ETS2: variants seen among roughly 807,000 people sequenced by gnomAD.
ETS2 encodes the protein ETS proto-oncogene 2, transcription factor, also known as protein C-ets-2.
A neutral mutation model predicts 54.9 loss-of-function variants in ETS2; 19 were observed. That is an observed-to-expected ratio of 0.35 (90% CI 0.24 to 0.51). The LOEUF (loss-of-function observed/expected upper bound fraction) is 0.51. ETS2 is among the 20% of genes least tolerant of loss of function. The pLI is 0.97. For missense variants in ETS2, 417 were observed against 593.0 expected, an observed-to-expected ratio of 0.70 and a Z score of 3.08; for synonymous variants, 219 against 229.3, an observed-to-expected ratio of 0.95 and a Z score of 0.41.
rs1181865672 is a variant in ETS2 at position 38,824,829 on chromosome 21, C to T, written c.*1940C>T. On this transcript the variant is annotated 3_prime_UTR_variant, in exon 10 of 10. Transcript: ENST00000360938. Reference sequence around the variant, plus strand: ...TACAAAGAAGGAGTTTCATGGGGTTCAGCCTAACAGTTATGGAAACTACAG... The same window carrying T: ...TACAAAGAAGGAGTTTCATGGGGTTTAGCCTAACAGTTATGGAAACTACAG... 1 of 152,588 alleles carries T rather than the reference C, an allele frequency of 6.6e-6. No individual in the cohort carries two copies. The highest frequency in any genetic ancestry group is 1.5e-5 in the Non-Finnish European group (1 of 68,040). 9.5% of individuals were successfully genotyped at this position (152,588 alleles called of 1,614,324 possible). A position where few individuals can be genotyped will look rare whatever the true frequency, so the allele number is the denominator to read the frequency against.
rs1333519045 is a variant in ETS2, at chr21:38,806,047, G to C, written c.-74G>C. On this transcript the variant is annotated 5_prime_UTR_variant, in exon 1 of 10. Coordinates refer to ENST00000360938, the MANE Select transcript of ETS2 (RefSeq NM_005239.6). This position sits in a 1 kb window ranked among gnomAD's most constrained non-coding sequence, Gnocchi z 4.3. ...TGGCCGGCGCCCTCGCCCTCGCCCGGCGCGCACCGAGCAGCCGCGGGCGCC... is the reference window on the plus strand; with the variant it reads ...TGGCCGGCGCCCTCGCCCTCGCCCGCCGCGCACCGAGCAGCCGCGGGCGCC... The C allele has an allele frequency of 8.3e-7, 1 of 1,208,716 alleles. No individual in the cohort carries two copies. Among genetic ancestry groups the C allele is most frequent in the Non-Finnish European group, 1.0e-6 (1 of 953,936 alleles). The allele number at this position is 1,208,716 out of a possible 1,614,324, so 74.9% of individuals were successfully genotyped here.
intron 2 of ETS2, among the ~76,000 whole-genome samples, chr21:38,811,061 T>G (rs1406982027): frequency 6.6e-6 from 1 of 152,042 alleles, no homozygotes; most frequent in Non-Finnish European, 1.5e-5. Flanking sequence ...CTTAGAAAAA[T>G]CCTTCTATTA....
rs992779415 is a variant in ETS2, at chr21:38,806,523, G to A, written c.-1+403G>A. On this transcript the variant is annotated intron_variant, in intron 1 of 9. Transcript: ENST00000360938. The surrounding 1 kb of genome is among the most constrained non-coding windows in gnomAD (Gnocchi z 4.3). The stretch of plus-strand genomic sequence containing the variant: ...ACATGATTTCGCGAACGGGAGTGGG[G>A]GCACAGGAGAGCGTGTCCGAGGTGG... The A allele has an allele frequency of 5.8e-5, 57 of 985,424 alleles. No homozygotes were observed. The highest frequency in any genetic ancestry group is 6.5e-5 in the Non-Finnish European group (54 of 830,030). The allele number at this position is 985,424 out of a possible 1,614,324, so 61.0% of individuals were successfully genotyped here. A position where few individuals can be genotyped will look rare whatever the true frequency, so the allele number is the denominator to read the frequency against.
intron 3 of ETS2, among the ~76,000 whole-genome samples, chr21:38,813,856 C>T (rs1435506487): frequency 1.3e-5 from 2 of 152,156 alleles, no homozygotes; most frequent in Non-Finnish European, 2.9e-5. Flanking sequence ...GTGCTAAGTG[C>T]GGCACATTCA....
rs371820145 is a variant in ETS2, at chr21:38,818,413, G to A, written c.590-12G>A. ...ACTTTAAGAGCTCTGCCGTCCGATT[G>A]TTCTGTTCCAGGTTTTGGCACAGAG... On this transcript the variant is annotated splice_polypyrimidine_tract_variant and intron_variant, in intron 6 of 9. Coordinates refer to ENST00000360938, the MANE Select transcript of ETS2 (RefSeq NM_005239.6). The A allele has an allele frequency of 4.3e-6, 7 of 1,613,916 alleles. No individual in the cohort carries two copies. In the South Asian group the frequency reaches 5.5e-5, roughly 13 times the overall value.
At chr21:38,815,789 T>C (rs1027084409) in intron 5 of ETS2, among the ~76,000 whole-genome samples, 5 of 149,884 alleles carry the variant, frequency 3.3e-5, no homozygotes, top group African/African-American at 1.2e-4. Flanking sequence ...AAAATAAAAA[T>C]ATTAGCTGGG....
At chr21:38,817,206 T>C in intron 6 of ETS2, 115 bp downstream of exon 6, 1 of 648,344 alleles carries the variant, frequency 1.5e-6, no homozygotes, top group Non-Finnish European at 2.7e-6. Flanking sequence ...TCTCTTATGG[T>C]GGCCACACGT....
At chr21:38,816,307 G>C (rs921865210) in intron 5 of ETS2, among the ~76,000 whole-genome samples, 1 of 151,956 alleles carries the variant, frequency 6.6e-6, no homozygotes, top group African/African-American at 2.4e-5. Context: ...CTGAGGGCCA[G>C]GGAAACTCAT....
Position 38,819,522 on chromosome 21 carries a change from C to T in ETS2, c.831C>T (p.Asp277=). The part of the protein sequence containing the change: ...TNNSGTPKDH[D]SPENGADSFE... ...TGCCAGGGACTCCCAAAGACCACGA[C>T]TCCCCTGAGAACGGTGCGGACAGCT... is the stretch of plus-strand genomic sequence containing the variant. Residue 277 remains aspartate, a synonymous_variant, in exon 8 of 10, where the codon GAC becomes GAT. Coordinates refer to ENST00000360938, the MANE Select transcript of ETS2 (RefSeq NM_005239.6). 6.2e-7 allele frequency: 1 copy of T among 1,614,102 alleles called. No individual in the cohort carries two copies. The highest frequency in any genetic ancestry group is 1.7e-5 in the Admixed American group (1 of 60,036).
Position 38,818,577 on chromosome 21 carries a change from A to G in ETS2, c.742A>G (p.Ser248Gly). 1 of 1,614,176 alleles carries G rather than the reference A, an allele frequency of 6.2e-7. No homozygotes were observed. Among genetic ancestry groups the G allele is most frequent in the East Asian group, 2.2e-5 (1 of 44,882 alleles). The change falls in exon 7 of 10, where the codon AGC (serine) becomes GGC (glycine). Residue 248 changes from serine to glycine, a missense_variant. Transcript: ENST00000360938. ...CCCCAAGTCTCGGCTCAGCTCCGTCAGCGTCACCTACTGCTCTGTCAGTCA... is the reference window on the plus strand; with the variant it reads ...CCCCAAGTCTCGGCTCAGCTCCGTCGGCGTCACCTACTGCTCTGTCAGTCA... ...MFPKSRLSSV[S>G]VTYCSVSQDF... is the part of the protein sequence containing the mutation.
intron 9 of ETS2, among the ~76,000 whole-genome samples, chr21:38,822,057 G>A (rs907367876): frequency 3.9e-5 from 6 of 152,120 alleles, no homozygotes; most frequent in South Asian, 2.1e-4. Flanking sequence ...ATGTGGCCCC[G>A]AGCCAGCCTT....
chr21:38,817,333 T>A (rs1441385416), intron 6 of ETS2, among the ~76,000 whole-genome samples: 1 of 152,222 alleles, frequency 6.6e-6, no homozygotes, highest in African/African-American at 2.4e-5. Context: ...ATATAAAATG[T>A]CTCCCTGATA....
In ETS2 at chr21:38,818,524, T is replaced by C. The variant is rs1358536335; in HGVS notation, c.689T>C (p.Leu230Pro). Residue 230 changes from leucine (L) to proline (P), a missense_variant, in exon 7 of 10, where the codon CTC (leucine) becomes CCC (proline). By Grantham distance (98) the Leu-to-Pro change is moderately conservative (BLOSUM62 -3). This residue lies in a region of ETS2 where 326 missense variants were observed against 426.1 expected (regional missense o/e 0.76). Coordinates refer to ENST00000360938, the MANE Select transcript of ETS2 (RefSeq NM_005239.6). The stretch of plus-strand genomic sequence containing the variant: ...TGTCCGGCCTCCACACCCAGCGTAC[T>C]CAGCTCTGAGCAGGAGTTTCAGATG... ...SMCPASTPSVLSSEQEFQMFP... is the reference protein window; with the variant it reads ...SMCPASTPSVPSSEQEFQMFP... The C allele has an allele frequency of 1.9e-6, 3 of 1,614,068 alleles. No individual in the cohort carries two copies. Among genetic ancestry groups the C allele is most frequent in the African/African-American group, 2.7e-5 (2 of 74,914 alleles).
At chr21:38,819,845 C>A in intron 8 of ETS2, 79 bp downstream of exon 8, 1 of 1,410,432 alleles carries the variant, frequency 7.1e-7, no homozygotes, top group Non-Finnish European at 9.6e-7. Context: ...CACAGTACCA[C>A]ATTCACCGAG....
At chr21:38,819,856 G>A (rs2060950969) in intron 8 of ETS2, 90 bp downstream of exon 8, 1 of 1,352,912 alleles carries the variant, frequency 7.4e-7, no homozygotes, top group Non-Finnish European at 1.0e-6. Flanking sequence ...ATTCACCGAG[G>A]GTGTTTCTAA....
Position 38,806,088 on chromosome 21 carries a change from C to G in ETS2, c.-33C>G, listed in dbSNP as rs1386364307. ...CGCGGGCGCCGAGCAGCCACCGTCC[C>G]GACCAAGCGCCGGCCCTGCCCGCAG... On this transcript the variant is annotated 5_prime_UTR_variant, in exon 1 of 10. Coordinates refer to ENST00000360938, the MANE Select transcript of ETS2 (RefSeq NM_005239.6). The surrounding 1 kb of genome is among the most constrained non-coding windows in gnomAD (Gnocchi z 4.3). 28 of 1,094,376 alleles carry G rather than the reference C, an allele frequency of 2.6e-5. No individual in the cohort carries two copies. The highest frequency in any genetic ancestry group is 3.5e-5 in the African/African-American group (2 of 57,528). The allele number at this position is 1,094,376 out of a possible 1,614,324, so 67.8% of individuals were successfully genotyped here.
At chr21:38,822,125 C>A (rs1446221639) in intron 9 of ETS2, among the ~76,000 whole-genome samples, 1 of 152,170 alleles carries the variant, frequency 6.6e-6, no homozygotes, top group Non-Finnish European at 1.5e-5. Flanking sequence ...GAGTTAGAAC[C>A]AGGAGCCCTG....
rs200475079 is a variant in ETS2 at position 38,823,237 on chromosome 21, T to C, written c.*348T>C. 5 of 183,810 alleles carry C rather than the reference T, an allele frequency of 2.7e-5. No individual in the cohort carries two copies. Among genetic ancestry groups the C allele is most frequent in the East Asian group, 2.7e-4 (2 of 7,374 alleles). 11.4% of individuals were successfully genotyped at this position (183,810 alleles called of 1,614,324 possible). On this transcript the variant is annotated 3_prime_UTR_variant, in exon 10 of 10. Transcript: ENST00000360938. ...GTCGTGGACACACACAGACTATTTT[T>C]AGATTTTCTTTTGCCTTTTGCAACC...
Position 38,806,691 on chromosome 21 carries a change from G to T in ETS2, c.-1+571G>T, listed in dbSNP as rs2060894638. On this transcript the variant is annotated intron_variant, in intron 1 of 9. Transcript: ENST00000360938. The surrounding 1 kb of genome is among the most constrained non-coding windows in gnomAD (Gnocchi z 4.3). Reference sequence around the variant, plus strand: ...ATGGTCACCTGCTCGCCGCGTCCAGGGCCCGGGCTGGGGACCCCTCGGTCG... The same window carrying T: ...ATGGTCACCTGCTCGCCGCGTCCAGTGCCCGGGCTGGGGACCCCTCGGTCG... The T allele has an allele frequency of 2.0e-6, 2 of 985,472 alleles. No individual in the cohort carries two copies. The highest frequency in any genetic ancestry group is 3.5e-5 in the African/African-American group (2 of 57,364). 61.0% of individuals were successfully genotyped at this position (985,472 alleles called of 1,614,324 possible).
Sources: allele counts gnomAD v4.1 joint callset (sites outside exome capture counted in the v4.1 genomes callset), GRCh38; gene constraint gnomAD v4.1.1; regional missense constraint gnomAD v4.1.1; non-coding constraint Gnocchi (gnomAD v3.1); transcripts MANE v1.5; gene names NCBI Gene and HGNC (gene_info 2026-07-23, HGNC 2026-07-21).